Variants in CTIF observed in about 807,000 individuals in gnomAD.
CTIF encodes cap binding complex dependent translation initiation factor.
A neutral mutation model predicts 66.0 loss-of-function variants in CTIF; 21 were observed. The ratio of observed to expected loss-of-function variants is 0.32; its 90% CI spans 0.23 to 0.46. The LOEUF is 0.46. Ranked by LOEUF, CTIF falls within the 20% of genes least tolerant of loss-of-function variation. The pLI is 1.00. For synonymous variants in CTIF, 345 were observed against 326.4 expected, an observed-to-expected ratio of 1.06 and a Z score of -0.62; for missense variants, 739 against 812.7, an observed-to-expected ratio of 0.91 and a Z score of 1.10.
At chr18:48,640,620 ACTGCCCACGTTGG>A (rs1262280951) in intron 3 of CTIF, among the ~76,000 whole-genome samples, 1 of 152,156 alleles carries the variant, frequency 6.6e-6, no homozygotes, top group African/African-American at 2.4e-5. Flanking sequence ...GCTCCTCTTG[ACTGCCCACGTTGG>A]CTGCACATGT....
intron 6 of CTIF, among the ~76,000 whole-genome samples, chr18:48,696,163 A>G (rs950436953): frequency 1.3e-5 from 2 of 152,194 alleles, no homozygotes; most frequent in Non-Finnish European, 2.9e-5. Flanking sequence ...CTGGAGGTGA[A>G]GCTTAGGGCT....
At chr18:48,581,961 T>C (rs1947132238) in intron 1 of CTIF, among the ~76,000 whole-genome samples, 1 of 151,664 alleles carries the variant, frequency 6.6e-6, no homozygotes, top group Admixed American at 6.6e-5. Context: ...GGAGAGTGAG[T>C]AGACCCAGAA....
intron 1 of CTIF, among the ~76,000 whole-genome samples, chr18:48,540,515 CG>C (rs1410620910): frequency 7.0e-6 from 1 of 142,662 alleles, no homozygotes; most frequent in African/African-American, 2.6e-5. Context: ...AAAAGACAAT[CG>C]GGAGGGGGGT....
At chr18:48,767,259 A>C (rs1909657522) in intron 9 of CTIF, among the ~76,000 whole-genome samples, 1 of 152,190 alleles carries the variant, frequency 6.6e-6, no homozygotes, top group Non-Finnish European at 1.5e-5. Flanking sequence ...CAGGGCGGTG[A>C]AGGGGCTCCA....
Position 48,859,775 on chromosome 18 carries a change from C to T in CTIF, c.*216C>T, listed in dbSNP as rs771114550. 2.9e-6 allele frequency: 2 copies of T among 695,996 alleles called. No individual in the cohort carries two copies. Among genetic ancestry groups the T allele is most frequent in the Non-Finnish European group, 5.2e-6 (2 of 381,024 alleles). 43.1% of individuals were successfully genotyped at this position (695,996 alleles called of 1,614,324 possible). A position where few individuals can be genotyped will look rare whatever the true frequency, so the allele number is the denominator to read the frequency against. ...GCCCCCCAGCCCGAGCATGCAAGCT[C>T]ACACCAATAAGGGAAGCATGTTTCT... On this transcript the variant is annotated 3_prime_UTR_variant, in exon 12 of 12. Transcript: ENST00000256413.
chr18:48,769,578 G>T (rs969276665), intron 9 of CTIF, among the ~76,000 whole-genome samples: 1 of 152,236 alleles, frequency 6.6e-6, no homozygotes, highest in Non-Finnish European at 1.5e-5. Flanking sequence ...TGGCATCACA[G>T]GAGGCCAGCA....
intron 1 of CTIF, among the ~76,000 whole-genome samples, chr18:48,601,439 C>T (rs961658893): frequency 5.9e-5 from 9 of 152,140 alleles, no homozygotes; most frequent in African/African-American, 1.7e-4. Context: ...TTCTCATAGG[C>T]GATCTGATGG....
chr18:48,850,658 C>T (rs2146621046), intron 10 of CTIF, among the ~76,000 whole-genome samples: 1 of 152,322 alleles, frequency 6.6e-6, no homozygotes, highest in South Asian at 2.1e-4. Flanking sequence ...CCCGGGAGGG[C>T]AATGGCACTG....
At chr18:48,773,803 A>G (rs913426344) in intron 9 of CTIF, among the ~76,000 whole-genome samples, 49 of 149,948 alleles carry the variant, frequency 3.3e-4, no homozygotes, top group African/African-American at 1.2e-3. Flanking sequence ...GCCCATACCA[A>G]CCTGCCTGAG....
At chr18:48,831,119 G>A (rs949504516) in intron 10 of CTIF, among the ~76,000 whole-genome samples, 3 of 152,312 alleles carry the variant, frequency 2.0e-5, no homozygotes, top group East Asian at 1.9e-4. Context: ...GCTGGTAGTG[G>A]TCCCTGGAGA....
intron 7 of CTIF, among the ~76,000 whole-genome samples, chr18:48,718,166 G>A (rs1233504554): frequency 6.6e-6 from 1 of 152,196 alleles, no homozygotes; most frequent in Non-Finnish European, 1.5e-5. Flanking sequence ...GCTATTAGTG[G>A]TCACCTTTTT....
chr18:48,609,663 G>A (rs1025504028), intron 1 of CTIF, among the ~76,000 whole-genome samples: 5 of 152,176 alleles, frequency 3.3e-5, no homozygotes, highest in African/African-American at 1.2e-4. Context: ...CCTATTTTAC[G>A]AGTGGGGGCA....
intron 10 of CTIF, among the ~76,000 whole-genome samples, chr18:48,857,384 G>A (rs1461514101): frequency 1.3e-5 from 2 of 152,198 alleles, no homozygotes; most frequent in Non-Finnish European, 2.9e-5. Flanking sequence ...CTCTAACCCT[G>A]TCGGAGAAAT....
chr18:48,664,777 A>C (rs1329445655), intron 5 of CTIF, among the ~76,000 whole-genome samples: 2 of 152,066 alleles, frequency 1.3e-5, no homozygotes, highest in Non-Finnish European at 2.9e-5. Flanking sequence ...CCTGCTCCTG[A>C]TGACCCACAG....
intron 3 of CTIF, among the ~76,000 whole-genome samples, chr18:48,652,738 T>A (rs2091179446): frequency 6.6e-6 from 1 of 152,214 alleles, no homozygotes. Context: ...AATAAAATAC[T>A]GGCAAACTGA....
At chr18:48,555,780 C>T (rs373157497) in intron 1 of CTIF, among the ~76,000 whole-genome samples, 4 of 152,322 alleles carry the variant, frequency 2.6e-5, no homozygotes, top group African/African-American at 7.2e-5. Flanking sequence ...CAACTGAAGA[C>T]ATTCTTGTGG....
At chr18:48,762,695 T>C (rs2145897608) in intron 9 of CTIF, among the ~76,000 whole-genome samples, 1 of 152,342 alleles carries the variant, frequency 6.6e-6, no homozygotes, top group African/African-American at 2.4e-5. Context: ...CAATAGATCA[T>C]CCAAACTGCA....
At chr18:48,662,462 C>T (rs764361269) in intron 3 of CTIF, 2 of 152,096 alleles carry the variant, frequency 1.3e-5, no homozygotes, top group African/African-American at 4.8e-5. Context: ...AGTCAGACAG[C>T]CCAGGTGGTT....
At chr18:48,716,790 G>A (rs775758498) in intron 7 of CTIF, among the ~76,000 whole-genome samples, 19 of 152,224 alleles carry the variant, frequency 1.2e-4, no homozygotes, top group Admixed American at 4.6e-4. Flanking sequence ...CCATCGCACC[G>A]TGCCTGTGCG....
Sources: gnomAD v4.1 joint callset for allele counts (sites outside exome capture counted in the v4.1 genomes callset) on GRCh38, gnomAD v4.1.1 for gene constraint, MANE v1.5 for transcripts, NCBI Gene and HGNC (gene_info 2026-07-23, HGNC 2026-07-21) for gene names.